The following ENTREP2 variants were observed in gnomAD, a reference collection of about 807,000 sequenced individuals.
ENTREP2 encodes the protein endosomal transmembrane epsin interactor 2, also known as protein ENTREP2.
chr15:29,540,920 T>C, the ENTREP2 span, among the ~76,000 whole-genome samples: 1 of 152,252 alleles, frequency 6.6e-6, no homozygotes, highest in East Asian at 1.9e-4. Flanking sequence ...GTATTTATCC[T>C]AGATGATGTC....
At chr15:29,504,465 G>T in the ENTREP2 span, among the ~76,000 whole-genome samples, 51 of 152,316 alleles carry the variant, frequency 3.3e-4, no homozygotes, top group East Asian at 9.6e-3. Context: ...ACAAAGAAAT[G>T]AAGTAAAAGA....
the ENTREP2 span, among the ~76,000 whole-genome samples, chr15:29,447,653 A>AT: frequency 0.45 from 63,162 of 141,088 alleles, 14,468 homozygotes; most frequent in East Asian, 0.52. Flanking sequence ...GACCTGGCTG[A>AT]TTTTTTTTTT....
At chr15:29,535,742 C>CTT in the ENTREP2 span, among the ~76,000 whole-genome samples, 2 of 146,200 alleles carry the variant, frequency 1.4e-5, no homozygotes, top group African/African-American at 2.5e-5. Context: ...CCCAAATATT[C>CTT]TTTTTTTTTT....
the ENTREP2 span, among the ~76,000 whole-genome samples, chr15:29,545,104 C>A: frequency 7.9e-5 from 12 of 152,328 alleles, no homozygotes; most frequent in South Asian, 2.3e-3. Flanking sequence ...TTGGGCAGAT[C>A]ATAAAATGTT....
the ENTREP2 span, among the ~76,000 whole-genome samples, chr15:29,525,251 G>GTACA: frequency 6.6e-6 from 1 of 152,174 alleles, no homozygotes; most frequent in Non-Finnish European, 1.5e-5. Context: ...CTATTCCTAG[G>GTACA]TACATACCCA....
the ENTREP2 span, among the ~76,000 whole-genome samples, chr15:29,454,355 T>C: frequency 6.6e-6 from 1 of 152,208 alleles, no homozygotes; most frequent in Non-Finnish European, 1.5e-5. Context: ...ACAGCGTATG[T>C]CCTGATTTAC....
the ENTREP2 span, among the ~76,000 whole-genome samples, chr15:29,148,056 G>A: frequency 4.6e-4 from 70 of 152,328 alleles, no homozygotes; most frequent in African/African-American, 1.6e-3. Flanking sequence ...GCCACATGTT[G>A]TATCATTCAA....
chr15:29,136,967 T>TC, the ENTREP2 span: 26 of 1,307,932 alleles, frequency 2.0e-5, no homozygotes, highest in Non-Finnish European at 2.6e-5. Flanking sequence ...CCACTGCAAC[T>TC]CCCACCACCC....
chr15:29,384,306 G>GTATA, the ENTREP2 span, among the ~76,000 whole-genome samples: 538 of 152,144 alleles, frequency 3.5e-3, no homozygotes, highest in African/African-American at 0.012. Context: ...TGAGCTCATG[G>GTATA]TATATAGTTC....
chr15:29,379,422 A>G, the ENTREP2 span, among the ~76,000 whole-genome samples: 1 of 152,134 alleles, frequency 6.6e-6, no homozygotes, highest in Non-Finnish European at 1.5e-5. Context: ...CTCCCTACAT[A>G]AGGCAAGGAA....
chr15:29,136,609 A>G, the ENTREP2 span: 8 of 1,166,146 alleles, frequency 6.9e-6, no homozygotes, highest in East Asian at 1.7e-4. Flanking sequence ...CCCTCTTCTA[A>G]TACTTCCCAT....
At chr15:29,357,573 C>T in the ENTREP2 span, among the ~76,000 whole-genome samples, 1 of 152,064 alleles carries the variant, frequency 6.6e-6, no homozygotes, top group African/African-American at 2.4e-5. Context: ...CGTGGTGGCT[C>T]ACGCCTGTAA....
chr15:29,198,435 T>C, the ENTREP2 span, among the ~76,000 whole-genome samples: 1 of 152,226 alleles, frequency 6.6e-6, no homozygotes, highest in South Asian at 2.1e-4. Flanking sequence ...CTCCCACCAA[T>C]AGGGTGTGAA....
At chr15:29,585,583 G>A in the ENTREP2 span, among the ~76,000 whole-genome samples, 10 of 152,168 alleles carry the variant, frequency 6.6e-5, no homozygotes, top group African/African-American at 2.4e-4. Flanking sequence ...CAGGCCGGGC[G>A]CGGTGGCTCA....
chr15:29,142,432 G>T, the ENTREP2 span, among the ~76,000 whole-genome samples: 1 of 152,236 alleles, frequency 6.6e-6, no homozygotes, highest in South Asian at 2.1e-4. Flanking sequence ...ACTGTCCAGA[G>T]ACAATTCTGT....
At chr15:29,391,147 C>T in the ENTREP2 span, among the ~76,000 whole-genome samples, 6 of 151,928 alleles carry the variant, frequency 3.9e-5, no homozygotes, top group Admixed American at 3.3e-4. Context: ...AGAAGGCTCA[C>T]GAGGCATGCA....
the ENTREP2 span, among the ~76,000 whole-genome samples, chr15:29,305,319 G>A: frequency 4.3e-4 from 66 of 152,250 alleles, no homozygotes; most frequent in Non-Finnish European, 8.2e-4. Flanking sequence ...GAGACTGGAA[G>A]ACAAATGAGA....
chr15:29,197,903 CAAAT>C, the ENTREP2 span, among the ~76,000 whole-genome samples: 1 of 152,130 alleles, frequency 6.6e-6, no homozygotes, highest in Non-Finnish European at 1.5e-5. Flanking sequence ...ACTCGAAGTA[CAAAT>C]ACTTTTCAGA....
At chr15:29,513,056 T>G in the ENTREP2 span, among the ~76,000 whole-genome samples, 2 of 152,226 alleles carry the variant, frequency 1.3e-5, no homozygotes, top group Admixed American at 1.3e-4. Context: ...CAGTGAGATT[T>G]TCTCTCTAAA....
Sources: allele counts gnomAD v4.1 joint callset (sites outside exome capture counted in the v4.1 genomes callset), GRCh38; gene constraint gnomAD v4.1.1; transcripts MANE v1.5; gene names NCBI Gene and HGNC (gene_info 2026-07-23, HGNC 2026-07-21).